Variants in OR8B3 observed in about 807,000 individuals in gnomAD.
The protein encoded by OR8B3 is olfactory receptor 8B3.
For missense variants in OR8B3, 278 were observed against 377.6 expected (o/e 0.74, Z 2.19); for synonymous variants, 102 against 135.4 (o/e 0.75, Z 1.71).
upstream of OR8B3, among the ~76,000 whole-genome samples, chr11:124,403,955 A>G (rs865786682): frequency 2.0e-5 from 3 of 152,204 alleles, no homozygotes; most frequent in South Asian, 2.1e-4. Context: ...CACCAAAAAA[A>G]TACAAAAACC....
At chr11:124,400,599 CA>C (rs1860978777), upstream of OR8B3, among the ~76,000 whole-genome samples, 1 of 152,000 alleles carries the variant, frequency 6.6e-6, no homozygotes, top group Non-Finnish European at 1.5e-5. Flanking sequence ...AGTACAGTGG[CA>C]CGATCTTGGC....
upstream of OR8B3, among the ~76,000 whole-genome samples, chr11:124,403,310 G>A (rs1313972389): frequency 3.9e-5 from 6 of 151,924 alleles, no homozygotes; most frequent in South Asian, 2.1e-4. Context: ...AACCGCCATC[G>A]TCATCATGGC....
chr11:124,408,230 A>G, the OR8B3 span, among the ~76,000 whole-genome samples: 1 of 152,064 alleles, frequency 6.6e-6, no homozygotes, highest in Non-Finnish European at 1.5e-5. Flanking sequence ...AACAATGCTT[A>G]TTTGTCCTCT....
At position 124,397,136 on chromosome 11, in the gene OR8B3, A is replaced by G. The variant is rs1459864902; in HGVS notation, c.216T>C (p.Cys72=). The G allele has an allele frequency of 3.1e-6, 5 of 1,612,858 alleles. No individual in the cohort carries two copies. In the Admixed American group the frequency reaches 5.0e-5, roughly 16 times the overall value. The change falls in exon 2 of 2, where the codon TGT becomes TGC. Residue 72 remains cysteine, a synonymous_variant. Coordinates refer to ENST00000641139, the MANE Select transcript of OR8B3 (RefSeq NM_001005467.2). Reference sequence around the variant, plus strand: ...TTTTGGGAGTGAAAACAGAGGAGTAACAGAGATCAATGAAGGAGAGATTGA... The same window carrying G: ...TTTTGGGAGTGAAAACAGAGGAGTAGCAGAGATCAATGAAGGAGAGATTGA... The part of the protein sequence containing the change: ...FLFNLSFIDL[C]YSSVFTPKML...
At chr11:124,401,557 C>T (rs1224622731), upstream of OR8B3, among the ~76,000 whole-genome samples, 4 of 152,180 alleles carry the variant, frequency 2.6e-5, no homozygotes, top group African/African-American at 9.6e-5. Context: ...CTTTCATTGG[C>T]GTATTTAATG....
At chr11:124,398,481 A>G (rs948795255) in intron 1 of OR8B3, among the ~76,000 whole-genome samples, 8 of 152,200 alleles carry the variant, frequency 5.3e-5, no homozygotes, top group Non-Finnish European at 2.9e-5. Flanking sequence ...CTTTCCTGGC[A>G]TTCCTCTGTT....
the OR8B3 span, among the ~76,000 whole-genome samples, chr11:124,409,185 A>G: frequency 8.5e-5 from 13 of 152,268 alleles, no homozygotes; most frequent in African/African-American, 2.9e-4. Context: ...GAAAGTAATT[A>G]CTGAAAAGCA....
At chr11:124,402,498 T>C (rs1861010298), upstream of OR8B3, among the ~76,000 whole-genome samples, 1 of 152,158 alleles carries the variant, frequency 6.6e-6, no homozygotes, top group African/African-American at 2.4e-5. Context: ...TGCTGACTTA[T>C]CCTCCACCAG....
the OR8B3 span, chr11:124,404,828 A>G: frequency 6.6e-6 from 1 of 152,184 alleles, no homozygotes; most frequent in African/African-American, 2.4e-5. Context: ...AAATATAGCT[A>G]CGTTGGCCAT....
At chr11:124,406,083 G>A in the OR8B3 span, among the ~76,000 whole-genome samples, 1 of 152,136 alleles carries the variant, frequency 6.6e-6, no homozygotes, top group Non-Finnish European at 1.5e-5. Context: ...TAGTAAAATC[G>A]TAGATTATAG....
At chr11:124,401,899 C>T (rs940703763), upstream of OR8B3, among the ~76,000 whole-genome samples, 14 of 152,224 alleles carry the variant, frequency 9.2e-5, no homozygotes, top group African/African-American at 3.1e-4. Context: ...ACCAGCAGCT[C>T]CATAGGCCTC....
chr11:124,396,615 A>G lies in OR8B3; in HGVS notation c.737T>C (p.Ile246Thr). Residue 246 changes from isoleucine to threonine, a missense_variant, in exon 2 of 2, where the codon ATT (isoleucine) becomes ACT (threonine). Transcript: ENST00000641139. ...KAFSTCSSHVIALSLFFGSAA... is the reference protein window; with the variant it reads ...KAFSTCSSHVTALSLFFGSAA... ...TGACCCAAAAAACAGAGACAGAGCAATGACATGAGAGCTACAAGTACTGAA... is the reference window on the plus strand; with the variant it reads ...TGACCCAAAAAACAGAGACAGAGCAGTGACATGAGAGCTACAAGTACTGAA... The G allele has an allele frequency of 6.2e-7, 1 of 1,612,432 alleles. No individual in the cohort carries two copies. The highest frequency in any genetic ancestry group is 8.5e-7 in the Non-Finnish European group (1 of 1,179,180).
chr11:124,408,436 T>G, the OR8B3 span, among the ~76,000 whole-genome samples: 1 of 152,204 alleles, frequency 6.6e-6, no homozygotes, highest in Admixed American at 6.5e-5. Flanking sequence ...TTGAGAACAT[T>G]CTCTCCTGTC....
chr11:124,401,691 C>T (rs1860998023), upstream of OR8B3, among the ~76,000 whole-genome samples: 1 of 152,176 alleles, frequency 6.6e-6, no homozygotes, highest in African/African-American at 2.4e-5. Flanking sequence ...TTAGATGCCA[C>T]CAAAAGGCTC....
At chr11:124,401,222 C>CAGAGAGAGGGAGAGAGAGAGAG (rs1860988807), upstream of OR8B3, among the ~76,000 whole-genome samples, 1 of 142,398 alleles carries the variant, frequency 7.0e-6, no homozygotes, top group Non-Finnish European at 1.5e-5. Flanking sequence ...TGCAAAGAGA[C>CAGAGAGAGGGAGAGAGAGAGAG]AGAGAGAGAG....
chr11:124,399,633 T>G (rs1342838083), upstream of OR8B3, among the ~76,000 whole-genome samples: 5 of 152,174 alleles, frequency 3.3e-5, no homozygotes, highest in African/African-American at 1.2e-4. Flanking sequence ...ATTACTAGAA[T>G]CACAAGAAGT....
chr11:124,402,920 C>T (rs1243374897), upstream of OR8B3, among the ~76,000 whole-genome samples: 1 of 151,464 alleles, frequency 6.6e-6, no homozygotes, highest in East Asian at 1.9e-4. Context: ...GAGGGAAGGT[C>T]AGCAGATAAA....
In OR8B3 at chr11:124,398,941, C is replaced by G. The variant is rs1860943716; in HGVS notation, c.-269G>C. 6.6e-6 allele frequency: 1 copy of G among 152,166 alleles called. No homozygotes were observed. The highest frequency in any genetic ancestry group is 2.4e-5 in the African/African-American group (1 of 41,428). The allele number at this position is 152,166 out of a possible 1,614,324, so 9.4% of individuals were successfully genotyped here. A position where few individuals can be genotyped will look rare whatever the true frequency, so the allele number is the denominator to read the frequency against. On this transcript the variant is annotated 5_prime_UTR_variant, in exon 1 of 2. Transcript: ENST00000641139. ...GTTTGTTGGAAAACTGCACTTCAAA[C>G]CAGAGCTACCATGTCATAGAGCACA...
upstream of OR8B3, among the ~76,000 whole-genome samples, chr11:124,402,507 AG>A (rs1248505604): frequency 6.6e-6 from 1 of 152,168 alleles, no homozygotes; most frequent in Non-Finnish European, 1.5e-5. Context: ...ATCCTCCACC[AG>A]GGGGTGCTGG....
Sources: allele counts gnomAD v4.1 joint callset (sites outside exome capture counted in the v4.1 genomes callset), GRCh38; gene constraint gnomAD v4.1.1; transcripts MANE v1.5; gene names NCBI Gene and HGNC (gene_info 2026-07-23, HGNC 2026-07-21).